Variants in EVI5 observed in about 807,000 individuals in gnomAD.
EVI5 encodes the protein ecotropic viral integration site 5 protein homolog.
A neutral mutation model predicts 112.0 loss-of-function variants in EVI5; 73 were observed. The observed-to-expected ratio is 0.65, with a 90% CI of 0.54 to 0.79. The LOEUF (loss-of-function observed/expected upper bound fraction) is 0.79. Among genes scored for constraint, EVI5 ranks in the 30% least tolerant of loss-of-function variants. The pLI, the probability that EVI5 is intolerant of heterozygous loss-of-function variation, is 0.00. For synonymous variants in EVI5, 305 were observed against 319.9 expected, an observed-to-expected ratio of 0.95 and a Z score of 0.50; for missense variants, 900 against 968.8, an observed-to-expected ratio of 0.93 and a Z score of 0.94.
At position 92,773,850 on chromosome 1, in the gene EVI5, C is replaced by T. The variant is rs1172045259; in HGVS notation, c.-82+10986G>A. On this transcript the variant is annotated intron_variant, in intron 1 of 19. Transcript: ENST00000684568. ...GACTAGCCTGGACAACATAACAAGA[C>T]CCCATCTCTATGAGAAAAAAAAATT... 4.6e-5 allele frequency: 7 copies of T among 152,096 alleles called. No individual in the cohort carries two copies. The South Asian group carries it at 1.2e-3, about 27-fold the overall frequency. 9.4% of individuals were successfully genotyped at this position (152,096 alleles called of 1,614,324 possible).
In EVI5 at chr1:92,695,393, C is replaced by A. The variant is rs774693301; in HGVS notation, c.826G>T (p.Ala276Ser). Residue 276 changes from alanine (A) to serine (S), a missense_variant, in exon 7 of 20, where the codon GCA (alanine) becomes TCA (serine). By Grantham distance (99) the Ala-to-Ser change is moderately conservative. Transcript: ENST00000684568. ...QSQSFHTSMY[A>S]SSWFLTIFLT... ...AAGATAGTCAGAAACCAGGATGATG[C>A]ATACATTGAGGTATGAAAACTCTGA... is the stretch of plus-strand genomic sequence containing the variant. 1 of 1,604,502 alleles carries A rather than the reference C, an allele frequency of 6.2e-7. No homozygotes were observed. Among genetic ancestry groups the A allele is most frequent in the South Asian group, 1.1e-5 (1 of 90,774 alleles).
chr1:92,636,057 T>G (rs1338711506), intron 14 of EVI5, 145 bp downstream of exon 14: 10 of 632,552 alleles, frequency 1.6e-5, no homozygotes, highest in Admixed American at 1.3e-4. Context: ...TTAAAAATCT[T>G]TTTTTCCTTT....
At chr1:92,637,252 C>T (rs1163838963) in intron 13 of EVI5, among the ~76,000 whole-genome samples, 4 of 152,096 alleles carry the variant, frequency 2.6e-5, no homozygotes, top group Non-Finnish European at 5.9e-5. Flanking sequence ...GTGGCACACG[C>T]CTGTAATCCC....
intron 19 of EVI5, 144 bp from the exon 20 acceptor site, chr1:92,514,114 C>T (rs1659492549): frequency 2.4e-6 from 1 of 424,192 alleles, no homozygotes; most frequent in Admixed American, 5.9e-5. Context: ...TTTTGAGTGC[C>T]TTCTATGTGT....
intron 1 of EVI5, among the ~76,000 whole-genome samples, chr1:92,773,266 CTG>C (rs1683684150): frequency 2.7e-5 from 4 of 150,230 alleles, no homozygotes; most frequent in Admixed American, 2.7e-4. Context: ...GACAAATAAA[CTG>C]TATTATATTC....
chr1:92,561,585 ATCT>A (rs879705459), intron 19 of EVI5, among the ~76,000 whole-genome samples: 160 of 150,474 alleles, frequency 1.1e-3, no homozygotes, highest in Non-Finnish European at 2.0e-3. Context: ...CTATCTATCT[ATCT>A]ATCTATCTAT....
chr1:92,584,385 A>T (rs1672454815), intron 18 of EVI5, among the ~76,000 whole-genome samples: 1 of 152,200 alleles, frequency 6.6e-6, no homozygotes, highest in Admixed American at 6.5e-5. Context: ...GCACATATGA[A>T]GCAAAATGTC....
chr1:92,576,284 T>C (rs1176671039), intron 18 of EVI5, among the ~76,000 whole-genome samples: 2 of 152,230 alleles, frequency 1.3e-5, no homozygotes, highest in African/African-American at 4.8e-5. Context: ...TTTGTATATG[T>C]ACATTAAAAG....
At chr1:92,784,557 CCT>C (rs1685352008) in intron 1 of EVI5, 1 of 410,634 alleles carries the variant, frequency 2.4e-6, no homozygotes, top group African/African-American at 2.2e-5. Flanking sequence ...CTGCTCCGTC[CCT>C]CCACCGCCCT....
chr1:92,715,318 G>T (rs1051714699), intron 2 of EVI5, among the ~76,000 whole-genome samples: 3 of 151,966 alleles, frequency 2.0e-5, no homozygotes, highest in Non-Finnish European at 4.4e-5. Context: ...CAGTTTCAAT[G>T]ATTTTTAAAA....
Position 92,702,183 on chromosome 1 carries a change from G to A in EVI5, c.597C>T (p.Tyr199=), listed in dbSNP as rs1233895761. Residue 199 remains tyrosine, a synonymous_variant, in exon 5 of 20, where the codon TAC becomes TAT. Coordinates refer to ENST00000684568, the MANE Select transcript of EVI5 (RefSeq NM_001350197.2). ...AYSLVDREVG[Y]CQGSAFIVGL... is the part of the protein sequence containing the mutation. ...CAACTATAAAAGCACTTCCTTGACA[G>A]TAACCAACCTCACGATCTACTAAAG... 1.3e-6 allele frequency: 2 copies of A among 1,511,714 alleles called. No individual in the cohort carries two copies. The highest frequency in any genetic ancestry group is 1.8e-6 in the Non-Finnish European group (2 of 1,135,546). 93.6% of individuals were successfully genotyped at this position (1,511,714 alleles called of 1,614,324 possible).
chr1:92,720,535 T>A (rs1674563460), intron 2 of EVI5, among the ~76,000 whole-genome samples: 1 of 152,172 alleles, frequency 6.6e-6, no homozygotes, highest in African/African-American at 2.4e-5. Context: ...TCAAGATGGA[T>A]TAAAGACTTA....
chr1:92,600,091 G>C (rs1052540713), intron 18 of EVI5, among the ~76,000 whole-genome samples: 3 of 152,032 alleles, frequency 2.0e-5, no homozygotes, highest in Non-Finnish European at 2.9e-5. Flanking sequence ...TGTTATTATA[G>C]ACTCAAAAAA....
At chr1:92,648,537 C>T (rs1393518982) in intron 13 of EVI5, among the ~76,000 whole-genome samples, 1 of 152,032 alleles carries the variant, frequency 6.6e-6, no homozygotes, top group Non-Finnish European at 1.5e-5. Flanking sequence ...TCTTATCTTT[C>T]CCCCATCACC....
At chr1:92,596,016 T>A (rs1451779440) in intron 18 of EVI5, among the ~76,000 whole-genome samples, 1 of 152,210 alleles carries the variant, frequency 6.6e-6, no homozygotes, top group Non-Finnish European at 1.5e-5. Context: ...AATCTCATTT[T>A]AAAATTTTCT....
intron 1 of EVI5, among the ~76,000 whole-genome samples, chr1:92,760,657 C>A (rs1210765341): frequency 6.6e-6 from 1 of 151,744 alleles, no homozygotes; most frequent in Non-Finnish European, 1.5e-5. Flanking sequence ...TTGCTTGAAC[C>A]CAGGAGGCGG....
chr1:92,736,667 CTG>C (rs1491416898), intron 1 of EVI5, 40 bp from the exon 2 acceptor site: 1 of 1,247,678 alleles, frequency 8.0e-7, no homozygotes, highest in African/African-American at 1.5e-5. Flanking sequence ...TTTAGTTACA[CTG>C]TATTCATTAC....
At chr1:92,701,666 AG>A (rs1263353138) in intron 5 of EVI5, among the ~76,000 whole-genome samples, 1 of 151,906 alleles carries the variant, frequency 6.6e-6, no homozygotes, top group Non-Finnish European at 1.5e-5. Context: ...TTATATCCCT[AG>A]GGGGTAAAAG....
chr1:92,648,959 A>G (rs2102029067), intron 13 of EVI5, among the ~76,000 whole-genome samples: 1 of 152,356 alleles, frequency 6.6e-6, no homozygotes, highest in Admixed American at 6.5e-5. Flanking sequence ...TGTTTTCCAC[A>G]GCAGCTTTAT....
Sources: gnomAD v4.1 joint callset for allele counts (sites outside exome capture counted in the v4.1 genomes callset) on GRCh38, gnomAD v4.1.1 for gene constraint, MANE v1.5 for transcripts, NCBI Gene and HGNC (gene_info 2026-07-23, HGNC 2026-07-21) for gene names.